Variants in PRRC2B observed in about 807,000 individuals in gnomAD.
PRRC2B encodes protein PRRC2B.
A neutral mutation model predicts 242.3 loss-of-function variants in PRRC2B; 68 were observed. That is an observed-to-expected ratio of 0.28 (90% CI 0.23 to 0.34). The LOEUF (loss-of-function observed/expected upper bound fraction) is 0.34. Ranked by LOEUF, PRRC2B falls within the 10% of genes least tolerant of loss-of-function variation. The pLI is 1.00. For missense variants in PRRC2B, 2,835 were observed against 2,954.8 expected, an observed-to-expected ratio of 0.96 and a Z score of 0.94; for synonymous variants, 1,228 against 1,173.6, an observed-to-expected ratio of 1.05 and a Z score of -0.95.
intron 8 of PRRC2B, 28 bp from the exon 9 acceptor site, chr9:131,447,634 A>G: frequency 6.4e-7 from 1 of 1,564,086 alleles, no homozygotes; most frequent in Non-Finnish European, 8.7e-7. Flanking sequence ...TATACTGGAC[A>G]TGATTCCATC....
chr9:131,463,166 C>T (rs1432892015), intron 11 of PRRC2B, among the ~76,000 whole-genome samples: 1 of 152,162 alleles, frequency 6.6e-6, no homozygotes, highest in East Asian at 1.9e-4. Context: ...TGAAAGGAAA[C>T]TGCACGCTTC....
At chr9:131,485,278 G>T in intron 25 of PRRC2B, 138 bp downstream of exon 25, 2 of 701,916 alleles carry the variant, frequency 2.8e-6, no homozygotes, top group South Asian at 3.8e-5. Context: ...TAGGCCCAGT[G>T]GTCGTAGCTC....
At chr9:131,411,705 CT>C (rs140958191) in intron 1 of PRRC2B, among the ~76,000 whole-genome samples, 8,652 of 152,120 alleles carry the variant, frequency 0.057, 321 homozygotes, top group Admixed American at 0.11. Flanking sequence ...AGATTCAAAA[CT>C]TTTTTAGTAG....
rs78649158 is a variant in PRRC2B, at chr9:131,418,050, C to T, written c.-51-12044C>T. Among the ~76,000 whole-genome samples, 1,462 of 152,318 alleles carry T rather than the reference C, an allele frequency of 9.6e-3. 32 individuals are homozygous for T. The highest frequency in any genetic ancestry group is 0.033 in the African/African-American group (1,384 of 41,554). ...GAACTTCTCTGTCCTTCCCTCCAGACGCCTTGAGAAAGGGAGTCCAAAGCC... is the reference window on the plus strand; with the variant it reads ...GAACTTCTCTGTCCTTCCCTCCAGATGCCTTGAGAAAGGGAGTCCAAAGCC... On this transcript the variant is annotated intron_variant, in intron 1 of 31. Coordinates refer to ENST00000683519, the MANE Select transcript of PRRC2B (RefSeq NM_013318.4).
chr9:131,374,264 AAC>A (rs1196959593), intron 1 of PRRC2B, among the ~76,000 whole-genome samples: 1 of 152,078 alleles, frequency 6.6e-6, no homozygotes, highest in Non-Finnish European at 1.5e-5. Flanking sequence ...GTTAAAACTA[AAC>A]ACACTGTGGC....
intron 13 of PRRC2B, among the ~76,000 whole-genome samples, chr9:131,470,146 AG>A (rs1297518430): frequency 1.3e-5 from 2 of 152,166 alleles, no homozygotes; most frequent in East Asian, 3.8e-4. Context: ...CAGAAAGTGG[AG>A]GGCCAGTCTT....
At chr9:131,438,747 C>G (rs1028933728) in intron 4 of PRRC2B, among the ~76,000 whole-genome samples, 2 of 152,116 alleles carry the variant, frequency 1.3e-5, no homozygotes, top group African/African-American at 4.8e-5. Context: ...CTGGTCACTC[C>G]CCAAATCCTG....
chr9:131,405,524 C>G (rs897840849), intron 1 of PRRC2B, among the ~76,000 whole-genome samples: 10 of 152,266 alleles, frequency 6.6e-5, no homozygotes, highest in African/African-American at 2.4e-4. Context: ...TCGACTCAAC[C>G]TCTTGGCGTC....
At position 131,479,407 on chromosome 9, in the gene PRRC2B, G is replaced by T. The variant is rs45501698; in HGVS notation, c.4900+14G>T. ...GCAGCAGCCAGGGTGAGAGTTGGGG[G>T]TGTGACCCCAGCTGTGGCACCCAAG... On this transcript the variant is annotated intron_variant, in intron 19 of 31. Coordinates refer to ENST00000683519, the MANE Select transcript of PRRC2B (RefSeq NM_013318.4). The T allele has an allele frequency of 3.1e-6, 5 of 1,610,780 alleles. No homozygotes were observed. Among genetic ancestry groups the T allele is most frequent in the African/African-American group, 1.3e-5 (1 of 74,880 alleles).
At chr9:131,409,431 A>G (rs768223514) in intron 1 of PRRC2B, among the ~76,000 whole-genome samples, 1 of 151,106 alleles carries the variant, frequency 6.6e-6, no homozygotes, top group East Asian at 2.0e-4. Flanking sequence ...TGATCTGCCC[A>G]TCTCGGCCTC....
intron 1 of PRRC2B, among the ~76,000 whole-genome samples, chr9:131,394,772 C>G (rs552869294): frequency 6.6e-6 from 1 of 151,408 alleles, no homozygotes; most frequent in African/African-American, 2.4e-5. Context: ...TTCGCGGGGC[C>G]GTTCCTGGCG....
intron 1 of PRRC2B, among the ~76,000 whole-genome samples, chr9:131,413,717 G>A (rs563389853): frequency 6.6e-6 from 1 of 152,034 alleles, no homozygotes; most frequent in African/African-American, 2.4e-5. Flanking sequence ...TGTTGCCTAG[G>A]CTGGAGTGCA....
chr9:131,468,447 A>G (rs747939110), intron 13 of PRRC2B, among the ~76,000 whole-genome samples: 1 of 152,060 alleles, frequency 6.6e-6, no homozygotes, highest in African/African-American at 2.4e-5. Context: ...CTTTTTATAA[A>G]CTTTATTTTT....
chr9:131,415,886 A>G (rs564583246), intron 1 of PRRC2B, among the ~76,000 whole-genome samples: 3 of 152,234 alleles, frequency 2.0e-5, no homozygotes, highest in South Asian at 4.1e-4. Context: ...AGTCTCGGCT[A>G]CTTGGCTACT....
chr9:131,384,783 G>A (rs963412883), intron 1 of PRRC2B, among the ~76,000 whole-genome samples: 1 of 151,758 alleles, frequency 6.6e-6, no homozygotes, highest in South Asian at 2.1e-4. Context: ...ATGAACTCCT[G>A]ACCTCAAGTG....
chr9:131,476,477 G>A lies in PRRC2B; in HGVS notation c.4348G>A (p.Gly1450Ser), dbSNP rs751328332. 1 of 1,612,362 alleles carries A rather than the reference G, an allele frequency of 6.2e-7. No individual in the cohort carries two copies. Among genetic ancestry groups the A allele is most frequent in the South Asian group, 1.1e-5 (1 of 90,998 alleles). ...GGAGAAGCCCGTTAGGCCAGGTGGT[G>A]GTGACACCTCCCCTCGCTATGAGAG... The part of the protein sequence containing the change: ...FGEKPVRPGG[G>S]DTSPRYESQQ... The change falls in exon 16 of 32, where the codon GGT (glycine) becomes AGT (serine). Residue 1450 changes from glycine to serine, a missense_variant. By Grantham distance (56) the Gly-to-Ser change is moderately conservative. This residue lies in a region of PRRC2B where 1,536 missense variants were observed against 1,483.1 expected (regional missense o/e 1.04). Coordinates refer to ENST00000683519, the MANE Select transcript of PRRC2B (RefSeq NM_013318.4).
intron 25 of PRRC2B, 129 bp from the exon 26 acceptor site, chr9:131,485,956 C>T (rs908470927): frequency 9.6e-6 from 7 of 728,756 alleles, no homozygotes; most frequent in Non-Finnish European, 1.7e-5. Context: ...CTAGCAGCCT[C>T]TGTACACACG....
Position 131,464,864 on chromosome 9 carries a change from G to C in PRRC2B, c.1506G>C (p.Ala502=), listed in dbSNP as rs528897720. 6.2e-7 allele frequency: 1 copy of C among 1,613,614 alleles called. No individual in the cohort carries two copies. Among genetic ancestry groups the C allele is most frequent in the Non-Finnish European group, 8.5e-7 (1 of 1,179,838 alleles). The part of the protein sequence containing the change: ...QKFIQSEMSE[A]VERARKRREE... ...TCATTCAGTCAGAGATGTCCGAGGC[G>C]GTGGAGCGAGCCCGAAAGCGCCGGG... The change falls in exon 12 of 32, where the codon GCG becomes GCC. Residue 502 remains alanine (A), a synonymous_variant. Transcript: ENST00000683519.
chr9:131,427,231 C>T (rs977521944), intron 1 of PRRC2B, among the ~76,000 whole-genome samples: 4 of 152,234 alleles, frequency 2.6e-5, no homozygotes, highest in African/African-American at 4.8e-5. Flanking sequence ...GTGTTTGACA[C>T]GGCACCAGCT....
Sources: gnomAD v4.1 joint callset for allele counts (sites outside exome capture counted in the v4.1 genomes callset) on GRCh38, gnomAD v4.1.1 for gene constraint, gnomAD v4.1.1 regional missense constraint, MANE v1.5 for transcripts, NCBI Gene and HGNC (gene_info 2026-07-23, HGNC 2026-07-21) for gene names.